Variants in GPR179 observed in about 807,000 individuals in gnomAD.
GPR179 encodes G protein-coupled receptor 179, also known as probable G protein-coupled receptor 179.
GPR179 carries 52 observed loss-of-function variants against 70.8 expected under a neutral mutation model. The observed-to-expected ratio is 0.73, with a 90% CI of 0.59 to 0.93. The LOEUF (loss-of-function observed/expected upper bound fraction) is 0.93, where lower values mean the gene tolerates loss of function less well. Among genes scored for constraint, GPR179 ranks in the 40% least tolerant of loss-of-function variants. The probability of loss-of-function intolerance (pLI) is 0.00; values close to 1 mark genes in which losing one functional copy is unlikely to be tolerated. For missense variants in GPR179, 2,734 were observed against 2,966.8 expected, an observed-to-expected ratio of 0.92 and a Z score of 1.82; for synonymous variants, 1,123 against 1,169.0, an observed-to-expected ratio of 0.96 and a Z score of 0.80.
intron 2 of GPR179, 61 bp downstream of exon 2, chr17:38,339,356 T>G: frequency 1.9e-6 from 2 of 1,048,568 alleles, no homozygotes; most frequent in Admixed American, 1.8e-5. Flanking sequence ...ATGGTGGCGG[T>G]GATGGGAAAA....
Position 38,331,307 on chromosome 17 carries a change from G to A in GPR179, c.2262C>T (p.Leu754=). 6.2e-7 allele frequency: 1 copy of A among 1,603,416 alleles called. No individual in the cohort carries two copies. Among genetic ancestry groups the A allele is most frequent in the East Asian group, 2.2e-5 (1 of 44,512 alleles). ...GSLPGSSRRR[L]LSSSLQEPEG... is the part of the protein sequence containing the mutation. The stretch of plus-strand genomic sequence containing the variant: ...CGGGTTCCTGGAGGCTGGAGCTGAG[G>A]AGCCGGCGGCGGGAGGAGCCGGGCA... The change falls in exon 11 of 11, where the codon CTC becomes CTT. Residue 754 remains leucine (L), a synonymous_variant. Transcript: ENST00000616987.
chr17:38,329,689 G>T lies in GPR179; in HGVS notation c.3880C>A (p.Arg1294=). The change falls in exon 11 of 11, where the codon CGG becomes AGG. Residue 1294 remains arginine, a synonymous_variant. Coordinates refer to ENST00000616987, the MANE Select transcript of GPR179 (RefSeq NM_001004334.4). ...ACATCTATGGGCTCTGATTTTCCCC[G>T]GGCCTCCCCTCTCTTTTTTTGGGAG... ...GDSQKKRGEA[R]GKSEPIDVVP... 1 of 1,614,052 alleles carries T rather than the reference G, an allele frequency of 6.2e-7. No homozygotes were observed. The highest frequency in any genetic ancestry group is 1.7e-5 in the Admixed American group (1 of 60,008).
chr17:38,331,529 G>A lies in GPR179; in HGVS notation c.2040C>T (p.Asp680=), dbSNP rs111770829. The change falls in exon 11 of 11, where the codon GAC becomes GAT. Residue 680 remains aspartate (D), a splice_region_variant and synonymous_variant. Coordinates refer to ENST00000616987, the MANE Select transcript of GPR179 (RefSeq NM_001004334.4). ...GCTGGGCATAGAGCTTCTTCAGCTC[G>A]TCCTGTGGGGCAGCAGGGAGGAAAG... ...EHSLDPGDIR[D]ELKKLYAQLE... The A allele has an allele frequency of 4.3e-3, 6,895 of 1,597,960 alleles. 228 individuals carry two copies. In the African/African-American group the frequency reaches 0.081, roughly 19 times the overall value.
rs201170214 is a variant in GPR179 at position 38,329,896 on chromosome 17, G to T, written c.3673C>A (p.Leu1225Met). Residue 1225 changes from leucine (L) to methionine (M), a missense_variant, in exon 11 of 11, where the codon CTG (leucine) becomes ATG (methionine). By Grantham distance (15) the Leu-to-Met change is conservative. Coordinates refer to ENST00000616987, the MANE Select transcript of GPR179 (RefSeq NM_001004334.4). ...SKETPVGWQE[L>M]PKAGLQSLGS... Reference sequence around the variant, plus strand: ...AGGGACTGGAGGCCAGCTTTGGGCAGTTCCTGCCACCCGACAGGGGTTTCT... The same window carrying T: ...AGGGACTGGAGGCCAGCTTTGGGCATTTCCTGCCACCCGACAGGGGTTTCT... 4.2e-5 allele frequency: 68 copies of T among 1,614,052 alleles called. No individual in the cohort carries two copies. Among genetic ancestry groups the T allele is most frequent in the Middle Eastern group, 1.6e-4 (1 of 6,082 alleles).
intron 2 of GPR179, among the ~76,000 whole-genome samples, chr17:38,338,280 C>T (rs1247722820): frequency 1.3e-5 from 2 of 152,220 alleles, no homozygotes; most frequent in Non-Finnish European, 2.9e-5. Context: ...GCCTTTATTC[C>T]ACCTCCTCCT....
Position 38,326,796 on chromosome 17 carries a change from G to T in GPR179, c.6773C>A (p.Ala2258Asp). ...GVPSEESGLL[A>D]LTATRREFFP... ...AAATTCTCTCCGAGTTGCTGTTAAAGCCAGGAGGCCAGATTCCTCAGATGG... is the reference window on the plus strand; with the variant it reads ...AAATTCTCTCCGAGTTGCTGTTAAATCCAGGAGGCCAGATTCCTCAGATGG... The change falls in exon 11 of 11, where the codon GCT becomes GAT. Residue 2258 changes from alanine to aspartate, a missense_variant. Coordinates refer to ENST00000616987, the MANE Select transcript of GPR179 (RefSeq NM_001004334.4). The T allele has an allele frequency of 6.2e-7, 1 of 1,614,236 alleles. No homozygotes were observed. The highest frequency in any genetic ancestry group is 8.5e-7 in the Non-Finnish European group (1 of 1,180,036).
In GPR179 at chr17:38,328,652, C is replaced by T. The variant is rs1255798501; in HGVS notation, c.4917G>A (p.Glu1639=). 1.2e-6 allele frequency: 2 copies of T among 1,614,092 alleles called. No individual in the cohort carries two copies. Among genetic ancestry groups the T allele is most frequent in the African/African-American group, 1.3e-5 (1 of 74,928 alleles). Reference sequence around the variant, plus strand: ...CCGCTTCTTGCTTTTGGATCTGCCCCTCAGGCTTTTCCCAAGCTGTGACAT... The same window carrying T: ...CCGCTTCTTGCTTTTGGATCTGCCCTTCAGGCTTTTCCCAAGCTGTGACAT... ...IEDVTAWEKP[E]GQIQKQEAVG... The change falls in exon 11 of 11, where the codon GAG becomes GAA. Residue 1639 remains glutamate (E), a synonymous_variant. Coordinates refer to ENST00000616987, the MANE Select transcript of GPR179 (RefSeq NM_001004334.4).
At position 38,334,602 on chromosome 17, in the gene GPR179, G is replaced by A. The variant is rs1309427832; in HGVS notation, c.1784+102C>T. The stretch of plus-strand genomic sequence containing the variant: ...GCCTTCGTCAACGTGCTGAGGCGTA[G>A]CAGTGTTGCCAGGATGGCATGGGAT... On this transcript the variant is annotated intron_variant, in intron 8 of 10. Coordinates refer to ENST00000616987, the MANE Select transcript of GPR179 (RefSeq NM_001004334.4). This position sits in a 1 kb window ranked among gnomAD's most constrained non-coding sequence, Gnocchi z 4.7. 57 of 1,314,730 alleles carry A rather than the reference G, an allele frequency of 4.3e-5. No individual in the cohort carries two copies. Among genetic ancestry groups the A allele is most frequent in the South Asian group, 2.8e-4 (22 of 79,940 alleles). The allele number at this position is 1,314,730 out of a possible 1,614,324, so 81.4% of individuals were successfully genotyped here.
chr17:38,338,272 C>A (rs1192048138), intron 2 of GPR179, among the ~76,000 whole-genome samples: 2 of 152,244 alleles, frequency 1.3e-5, no homozygotes, highest in African/African-American at 2.4e-5. Context: ...CAAGGCCAGC[C>A]TTTATTCCAC....
In GPR179 at chr17:38,328,374, C is replaced by T; in HGVS notation, c.5195G>A (p.Gly1732Asp). 1 of 1,613,702 alleles carries T rather than the reference C, an allele frequency of 6.2e-7. No individual in the cohort carries two copies. The highest frequency in any genetic ancestry group is 8.5e-7 in the Non-Finnish European group (1 of 1,179,918). ...EAIRKSPNDTGKVSADLGPRE... is the reference protein window; with the variant it reads ...EAIRKSPNDTDKVSADLGPRE... ...GGGTCCAAGATCTGCAGAAACCTTG[C>T]CTGTATCATTTGGAGATTTCCTAAT... Residue 1732 changes from glycine (G) to aspartate (D), a missense_variant, in exon 11 of 11, where the codon GGC becomes GAC. Transcript: ENST00000616987.
chr17:38,328,619 G>A lies in GPR179; in HGVS notation c.4950C>T (p.Pro1650=), dbSNP rs1345638770. Residue 1650 remains proline, a synonymous_variant, in exon 11 of 11, where the codon CCC becomes CCT. Transcript: ENST00000616987. ...GQIQKQEAVG[P]WESVDPGSFS... ...AGCTGCCAGGGTCCACACTCTCCCA[G>A]GGGCCGACCGCTTCTTGCTTTTGGA... 1.2e-6 allele frequency: 2 copies of A among 1,614,086 alleles called. No homozygotes were observed. The highest frequency in any genetic ancestry group is 1.7e-5 in the Admixed American group (1 of 60,000).
chr17:38,342,659 A>C (rs1001414877), intron 1 of GPR179, among the ~76,000 whole-genome samples: 3 of 152,210 alleles, frequency 2.0e-5, no homozygotes. Flanking sequence ...ATCTCTACAC[A>C]CATGTGTATA....
In GPR179 at chr17:38,328,126, C is replaced by T; in HGVS notation, c.5443G>A (p.Ala1815Thr). 6 of 1,613,502 alleles carry T rather than the reference C, an allele frequency of 3.7e-6. No homozygotes were observed. Among genetic ancestry groups the T allele is most frequent in the Non-Finnish European group, 5.1e-6 (6 of 1,179,850 alleles). ...EAQEAATSEK[A>T]KICPWEVSEG... is the part of the protein sequence containing the mutation. The stretch of plus-strand genomic sequence containing the variant: ...CTTACCTCCCAGGGACAGATCTTGG[C>T]TTTTTCACTGGTAGCAGCTTCCTGT... The change falls in exon 11 of 11, where the codon GCC (alanine) becomes ACC (threonine). Residue 1815 changes from alanine to threonine, a missense_variant. Coordinates refer to ENST00000616987, the MANE Select transcript of GPR179 (RefSeq NM_001004334.4).
chr17:38,336,939 G>T, intron 4 of GPR179, 39 bp downstream of exon 4: 1 of 1,540,456 alleles, frequency 6.5e-7, no homozygotes, highest in East Asian at 2.4e-5. Flanking sequence ...AGTTGAGATG[G>T]GTCGGACATG....
chr17:38,328,048 C>T lies in GPR179; in HGVS notation c.5521G>A (p.Glu1841Lys), dbSNP rs749048283. 1.9e-6 allele frequency: 3 copies of T among 1,614,036 alleles called. No homozygotes were observed. The highest frequency in any genetic ancestry group is 2.5e-6 in the Non-Finnish European group (3 of 1,180,036). ...LDQKAGSESA[E>K]QREKALEKGR... is the part of the protein sequence containing the mutation. ...TTTTCTAGAGCTTTCTCCCTCTGCTCTGCTGATTCACTCCCTGCCTTTTGG... is the reference window on the plus strand; with the variant it reads ...TTTTCTAGAGCTTTCTCCCTCTGCTTTGCTGATTCACTCCCTGCCTTTTGG... The change falls in exon 11 of 11, where the codon GAG becomes AAG. Residue 1841 changes from glutamate to lysine, a missense_variant. Transcript: ENST00000616987.
Position 38,335,134 on chromosome 17 carries a change from C to T in GPR179, c.1544G>A (p.Arg515Gln), listed in dbSNP as rs369293710. 3.3e-5 allele frequency: 52 copies of T among 1,598,274 alleles called. No homozygotes were observed. Among genetic ancestry groups the T allele is most frequent in the Middle Eastern group, 1.6e-4 (1 of 6,066 alleles). ...LAVWTVGALE[R>Q]GIQHAPLVIR... Reference sequence around the variant, plus strand: ...CACCAGAGGTGCGTGCTGGATGCCTCGCTCCAGGGCGCCCACGGTCCACAC... The same window carrying T: ...CACCAGAGGTGCGTGCTGGATGCCTTGCTCCAGGGCGCCCACGGTCCACAC... The change falls in exon 7 of 11, where the codon CGA becomes CAA. Residue 515 changes from arginine (R) to glutamine (Q), a missense_variant. Coordinates refer to ENST00000616987, the MANE Select transcript of GPR179 (RefSeq NM_001004334.4).
At position 38,326,355 on chromosome 17, in the gene GPR179, G is replaced by C. The variant is rs373545362; in HGVS notation, c.*110C>G. On this transcript the variant is annotated 3_prime_UTR_variant, in exon 11 of 11. Transcript: ENST00000616987. ...GGTTGACTTCTGGTCTTCTCAAGGA[G>C]GGGAAGTGGCCAAGCTGTCTTTGAT... 1.3e-6 allele frequency: 1 copy of C among 773,250 alleles called. No individual in the cohort carries two copies. The allele number at this position is 773,250 out of a possible 1,614,324, so 47.9% of individuals were successfully genotyped here.
rs753490497 is a variant in GPR179 at position 38,327,552 on chromosome 17, C to T, written c.6017G>A (p.Gly2006Asp). 1 of 1,614,108 alleles carries T rather than the reference C, an allele frequency of 6.2e-7. No individual in the cohort carries two copies. The highest frequency in any genetic ancestry group is 1.1e-5 in the South Asian group (1 of 91,072). Residue 2006 changes from glycine to aspartate, a missense_variant, in exon 11 of 11, where the codon GGT becomes GAT. Coordinates refer to ENST00000616987, the MANE Select transcript of GPR179 (RefSeq NM_001004334.4). ...GGCACTGCTGTCAGATTTATACACACCTGCATCAGGAACATCCCATGGGCA... is the reference window on the plus strand; with the variant it reads ...GGCACTGCTGTCAGATTTATACACATCTGCATCAGGAACATCCCATGGGCA... ...DVCPWDVPDA[G>D]VYKSDSSAKA... is the part of the protein sequence containing the mutation.
At position 38,330,561 on chromosome 17, in the gene GPR179, T is replaced by G. The variant is rs772243165; in HGVS notation, c.3008A>C (p.Lys1003Thr). ...GCCTTCCTGGGGCACATTTTCTTGC[T>G]TGGCTGGCAGTTCTGCGTTCTCCCA... ...CPWENAELPAKQENVPQEGPS... is the reference protein window; with the variant it reads ...CPWENAELPATQENVPQEGPS... Residue 1003 changes from lysine to threonine, a missense_variant, in exon 11 of 11, where the codon AAG (lysine) becomes ACG (threonine). Lys to Thr is a moderately conservative substitution (Grantham distance 78). Coordinates refer to ENST00000616987, the MANE Select transcript of GPR179 (RefSeq NM_001004334.4). 2 of 1,573,300 alleles carry G rather than the reference T, an allele frequency of 1.3e-6. No individual in the cohort carries two copies. Among genetic ancestry groups the G allele is most frequent in the Non-Finnish European group, 8.6e-7 (1 of 1,162,278 alleles).
Sources: gnomAD v4.1 joint callset for allele counts (sites outside exome capture counted in the v4.1 genomes callset) on GRCh38, gnomAD v4.1.1 for gene constraint, Gnocchi (gnomAD v3.1) non-coding constraint, MANE v1.5 for transcripts, NCBI Gene and HGNC (gene_info 2026-07-23, HGNC 2026-07-21) for gene names.